The following SBK1 variants were observed in gnomAD, a reference collection of about 807,000 sequenced individuals.
The protein encoded by SBK1 is serine/threonine-protein kinase SBK1.
Under a neutral mutation model 24.4 loss-of-function variants are expected in SBK1, and 11 were observed. The observed-to-expected ratio is 0.45, with a 90% CI of 0.28 to 0.75. SBK1 has a LOEUF of 0.75. SBK1 is among the 30% of genes least tolerant of loss of function. The pLI is 0.12. For synonymous variants in SBK1, 308 were observed against 284.4 expected (o/e 1.08, Z -0.83); for missense variants, 467 against 620.5 (o/e 0.75, Z 2.63).
intron 1 of SBK1, among the ~76,000 whole-genome samples, chr16:28,299,494 G>A (rs1307758853): frequency 6.6e-6 from 1 of 152,146 alleles, no homozygotes; most frequent in East Asian, 1.9e-4. Flanking sequence ...GACCTGATGG[G>A]ACCTCGCCTG....
At chr16:28,305,514 A>ATAG (rs1328095521) in intron 1 of SBK1, among the ~76,000 whole-genome samples, 1 of 145,196 alleles carries the variant, frequency 6.9e-6, no homozygotes, top group Non-Finnish European at 1.5e-5. Flanking sequence ...ACCTGGCCCC[A>ATAG]ATCTGTCTCT....
chr16:28,317,669 G>T lies in SBK1; in HGVS notation c.226+52G>T. ...GAGAGGTTGGGGTGGGGCAGGGCTGGGAGGTCAGGGTTGGGGGACATGACC... is the reference window on the plus strand; with the variant it reads ...GAGAGGTTGGGGTGGGGCAGGGCTGTGAGGTCAGGGTTGGGGGACATGACC... On this transcript the variant is annotated intron_variant, in intron 2 of 3. Coordinates refer to ENST00000341901, the MANE Select transcript of SBK1 (RefSeq NM_001024401.3). This position sits in a 1 kb window ranked among gnomAD's most constrained non-coding sequence, Gnocchi z 4.2. 1 of 1,251,562 alleles carries T rather than the reference G, an allele frequency of 8.0e-7. No homozygotes were observed. The highest frequency in any genetic ancestry group is 1.2e-6 in the Non-Finnish European group (1 of 855,410). The allele number at this position is 1,251,562 out of a possible 1,614,324, so 77.5% of individuals were successfully genotyped here. A position where few individuals can be genotyped will look rare whatever the true frequency, so the allele number is the denominator to read the frequency against.
intron 1 of SBK1, among the ~76,000 whole-genome samples, chr16:28,315,482 GC>G (rs1392624366): frequency 6.6e-6 from 1 of 152,150 alleles, no homozygotes; most frequent in Non-Finnish European, 1.5e-5. Flanking sequence ...TCAGGTCTTA[GC>G]CCAAGTGGTG....
chr16:28,273,738 T>C (rs1373196873), intron 1 of SBK1, among the ~76,000 whole-genome samples: 1 of 152,218 alleles, frequency 6.6e-6, no homozygotes, highest in East Asian at 1.9e-4. Context: ...CCAGCCCCAC[T>C]TGTCTATTCT....
At chr16:28,284,117 G>A (rs146051087) in intron 1 of SBK1, among the ~76,000 whole-genome samples, 27 of 152,296 alleles carry the variant, frequency 1.8e-4, no homozygotes, top group Admixed American at 1.4e-3. Flanking sequence ...GACGCTTGTC[G>A]CTGTCTTCCT....
At chr16:28,315,141 G>T (rs572623236) in intron 1 of SBK1, among the ~76,000 whole-genome samples, 1 of 151,868 alleles carries the variant, frequency 6.6e-6, no homozygotes, top group Admixed American at 6.6e-5. Flanking sequence ...GTGTGCCTGC[G>T]CCTGGGAAAG....
At chr16:28,310,362 C>T (rs554001099) in intron 1 of SBK1, among the ~76,000 whole-genome samples, 10 of 152,282 alleles carry the variant, frequency 6.6e-5, no homozygotes, top group African/African-American at 2.4e-4. Context: ...CGACCAATGA[C>T]GAAATACTTT....
intron 1 of SBK1, among the ~76,000 whole-genome samples, chr16:28,298,524 C>T (rs564081442): frequency 6.6e-6 from 1 of 152,338 alleles, no homozygotes; most frequent in East Asian, 1.9e-4. Flanking sequence ...TCTCCTGGGC[C>T]TCAGTTTCCT....
intron 1 of SBK1, among the ~76,000 whole-genome samples, chr16:28,295,788 C>T (rs891539851): frequency 6.6e-6 from 1 of 152,106 alleles, no homozygotes; most frequent in Admixed American, 6.6e-5. Context: ...AACCTCAGGC[C>T]ACAGCGGGAG....
chr16:28,293,525 C>T (rs1186982596), intron 1 of SBK1, among the ~76,000 whole-genome samples: 1 of 152,156 alleles, frequency 6.6e-6, no homozygotes, highest in Non-Finnish European at 1.5e-5. Context: ...CGCAGCTCCC[C>T]GGCCCCACGG....
At chr16:28,308,008 C>A (rs1486473574) in intron 1 of SBK1, among the ~76,000 whole-genome samples, 1 of 152,096 alleles carries the variant, frequency 6.6e-6, no homozygotes, top group South Asian at 2.1e-4. Flanking sequence ...AGGAACAAGC[C>A]GTCTTCTCTT....
At chr16:28,312,672 A>G (rs2044761714) in intron 1 of SBK1, among the ~76,000 whole-genome samples, 1 of 152,218 alleles carries the variant, frequency 6.6e-6, no homozygotes, top group African/African-American at 2.4e-5. Flanking sequence ...TAGGAAAGAA[A>G]AGACAGTTGC....
At chr16:28,287,593 G>C (rs1021620819), upstream of SBK1, among the ~76,000 whole-genome samples, 1 of 152,272 alleles carries the variant, frequency 6.6e-6, no homozygotes, top group Non-Finnish European at 1.5e-5. Context: ...ATCCCTAGGC[G>C]TCAGGGACAA....
chr16:28,314,318 A>G (rs866339023), intron 1 of SBK1, among the ~76,000 whole-genome samples: 2 of 137,688 alleles, frequency 1.5e-5, no homozygotes, highest in South Asian at 2.5e-4. Flanking sequence ...CACCACACCC[A>G]GCTAACTTTT....
In SBK1 at chr16:28,309,116, C is replaced by T. The variant is rs184414418; in HGVS notation, c.-7-8269C>T. 3.6e-4 allele frequency among the ~76,000 whole-genome samples: 55 copies of T among 152,306 alleles called. No individual in the cohort carries two copies. The East Asian group carries it at 7.7e-3, about 21-fold the overall frequency. ...CCTCCACAGCAGGAGGCTTTCCACA[C>T]AGTGACCTGGGGACCCAGGTGCTTC... On this transcript the variant is annotated intron_variant, in intron 1 of 3. Transcript: ENST00000341901.
In SBK1 at chr16:28,317,610, G is replaced by A. The variant is rs1397301636; in HGVS notation, c.219G>A (p.Lys73=). The A allele has an allele frequency of 1.2e-6, 2 of 1,610,732 alleles. No homozygotes were observed. The highest frequency in any genetic ancestry group is 2.2e-5 in the East Asian group (1 of 44,870). The stretch of plus-strand genomic sequence containing the variant: ...GGAAGGTTGACCTGGTGGTCTACAA[G>A]GGCACAGGTGAACAAGTGCAGGGTG... ...TYGKVDLVVY[K]GTGTKMALKF... The change falls in exon 2 of 4, where the codon AAG becomes AAA. Residue 73 remains lysine, a synonymous_variant. Coordinates refer to ENST00000341901, the MANE Select transcript of SBK1 (RefSeq NM_001024401.3). This position sits in a 1 kb window ranked among gnomAD's most constrained non-coding sequence, Gnocchi z 4.2.
At chr16:28,303,375 G>T (rs942533377) in intron 1 of SBK1, among the ~76,000 whole-genome samples, 2 of 152,046 alleles carry the variant, frequency 1.3e-5, no homozygotes, top group South Asian at 2.1e-4. Context: ...GAGTGACCAG[G>T]TTGGGTGCTG....
chr16:28,269,871 G>A (rs771808918), intron 1 of SBK1, among the ~76,000 whole-genome samples: 10 of 151,788 alleles, frequency 6.6e-5, no homozygotes, highest in African/African-American at 1.2e-4. Context: ...GCAAGACTCC[G>A]TCTCAAACAA....
Position 28,320,738 on chromosome 16 carries a change from G to GA in SBK1, c.1092_1093insA (p.Pro365ThrfsTer85). On this transcript the variant is annotated frameshift_variant, in exon 4 of 4. Transcript: ENST00000341901. LOFTEE classifies it high-confidence loss of function. The surrounding 1 kb of genome is among the most constrained non-coding windows in gnomAD (Gnocchi z 8.5). ...TGACCGAGAGCGGCAGCGGCTCCCG[G>GA]CCCGCGCCCCCCGCCGTCGGGTCGG... 1.7e-6 allele frequency: 2 copies of GA among 1,197,182 alleles called. No homozygotes were observed. Among genetic ancestry groups the GA allele is most frequent in the Non-Finnish European group, 2.1e-6 (2 of 958,948 alleles). The allele number at this position is 1,197,182 out of a possible 1,614,324, so 74.2% of individuals were successfully genotyped here.
Sources: allele counts gnomAD v4.1 joint callset (sites outside exome capture counted in the v4.1 genomes callset), GRCh38; gene constraint gnomAD v4.1.1; non-coding constraint Gnocchi (gnomAD v3.1); transcripts MANE v1.5; gene names NCBI Gene and HGNC (gene_info 2026-07-23, HGNC 2026-07-21).